Variants in GPM6B observed in about 807,000 individuals in gnomAD.
GPM6B encodes neuronal membrane glycoprotein M6-b.
GPM6B carries 4 observed loss-of-function variants against 27.2 expected under a neutral mutation model. The ratio of observed to expected loss-of-function variants is 0.15; its 90% CI spans 0.07 to 0.34. The LOEUF (loss-of-function observed/expected upper bound fraction) is 0.34. Ranked by LOEUF, GPM6B falls within the 10% of genes least tolerant of loss-of-function variation. GPM6B has a pLI of 1.00. For missense variants in GPM6B, 183 were observed against 261.9 expected (o/e 0.70, Z 2.08); for synonymous variants, 124 against 103.1 (o/e 1.20, Z -1.23).
chrX:13,804,801 T>TAAA (rs1162070183), intron 2 of GPM6B, among the ~76,000 whole-genome samples: 1 of 42,202 alleles, frequency 2.4e-5, no homozygotes, highest in Non-Finnish European at 4.1e-5. Context: ...AAAAAATTAA[T>TAAA]AAAAAAAAAA....
chrX:13,873,008 G>A (rs972548878), intron 1 of GPM6B, among the ~76,000 whole-genome samples: 2 of 111,363 alleles, frequency 1.8e-5, no homozygotes, highest in South Asian at 7.6e-4. Context: ...ATGAGAGAGT[G>A]ATGATAATAG....
intron 2 of GPM6B, among the ~76,000 whole-genome samples, chrX:13,793,519 C>A (rs1347845522): frequency 8.9e-6 from 1 of 112,128 alleles, no homozygotes; most frequent in Non-Finnish European, 1.9e-5. Context: ...TTCACAGTGC[C>A]AAGAGTGAGA....
At chrX:13,907,618 C>T (rs1385822048) in intron 1 of GPM6B, among the ~76,000 whole-genome samples, 2 of 110,185 alleles carry the variant, frequency 1.8e-5, no homozygotes, top group African/African-American at 3.3e-5. Context: ...TGCAGTGAGC[C>T]GAGATCACAC....
At chrX:13,892,714 C>A (rs917865316) in intron 1 of GPM6B, among the ~76,000 whole-genome samples, 1 of 111,745 alleles carries the variant, frequency 8.9e-6, no homozygotes, top group Admixed American at 9.5e-5. Context: ...GGTCTTAATA[C>A]TGTTTACCCA....
At chrX:13,852,561 G>C (rs2049730306) in intron 1 of GPM6B, among the ~76,000 whole-genome samples, 1 of 110,940 alleles carries the variant, frequency 9.0e-6, no homozygotes, top group Admixed American at 9.6e-5. Context: ...GGAGCACACA[G>C]TACTAGACTT....
chrX:13,830,384 T>C (rs2049424293), intron 1 of GPM6B, among the ~76,000 whole-genome samples: 1 of 112,125 alleles, frequency 8.9e-6, no homozygotes, highest in South Asian at 3.7e-4. Flanking sequence ...CTCCTGTTAC[T>C]TCCCTGTATT....
chrX:13,859,667 TA>T (rs1325979833), intron 1 of GPM6B, among the ~76,000 whole-genome samples: 8 of 106,035 alleles, frequency 7.5e-5, no homozygotes, highest in Non-Finnish European at 7.8e-5. Context: ...TTTGTTCATC[TA>T]AAAAAAAAAG....
At chrX:13,777,757 TG>T (rs1214507058) in intron 5 of GPM6B, among the ~76,000 whole-genome samples, 2 of 112,419 alleles carry the variant, frequency 1.8e-5, no homozygotes, top group South Asian at 3.7e-4. Context: ...CTATAGTTAC[TG>T]CAGGACAACC....
chrX:13,865,743 CA>C (rs1049092315), intron 1 of GPM6B, among the ~76,000 whole-genome samples: 1 of 106,453 alleles, frequency 9.4e-6, no homozygotes, highest in Non-Finnish European at 1.9e-5. Context: ...GGTGACAGAG[CA>C]AGACCCTGTC....
At position 13,787,248 on chromosome X, in the gene GPM6B, C is replaced by A. The variant is rs763776962; in HGVS notation, c.182-1440G>T. Reference sequence around the variant, plus strand: ...TAGTTCATTAGAAAATAAAAAATATCAGGGCTTCATAAGAAAGCTGTGCTT... The same window carrying A: ...TAGTTCATTAGAAAATAAAAAATATAAGGGCTTCATAAGAAAGCTGTGCTT... On this transcript the variant is annotated intron_variant, in intron 2 of 7. Coordinates refer to ENST00000316715, the MANE Select transcript of GPM6B (RefSeq NM_001001995.3). Among the ~76,000 whole-genome samples the A allele has an allele frequency of 5.4e-5, 6 of 111,200 alleles. No individual in the cohort carries two copies. The East Asian group carries it at 1.7e-3, about 31-fold the overall frequency.
intron 1 of GPM6B, among the ~76,000 whole-genome samples, chrX:13,858,955 A>G (rs1030575844): frequency 2.7e-5 from 3 of 112,532 alleles, no homozygotes; most frequent in African/African-American, 9.7e-5. Flanking sequence ...TAGCACCTGC[A>G]TTAAGTTTCC....
intron 6 of GPM6B, among the ~76,000 whole-genome samples, chrX:13,776,507 A>T: frequency 9.0e-6 from 1 of 111,474 alleles, no homozygotes; most frequent in Non-Finnish European, 1.9e-5. Context: ...CTGCCCCCCA[A>T]ATCGATTAAA....
intron 1 of GPM6B, among the ~76,000 whole-genome samples, chrX:13,877,441 TAAGTG>T (rs1330598278): frequency 9.0e-6 from 1 of 111,125 alleles, no homozygotes; most frequent in African/African-American, 3.3e-5. Flanking sequence ...CCAAGTCATT[TAAGTG>T]AAGTATTAAG....
At chrX:13,888,003 G>A (rs775574292) in intron 1 of GPM6B, among the ~76,000 whole-genome samples, 3 of 111,935 alleles carry the variant, frequency 2.7e-5, no homozygotes, top group Non-Finnish European at 5.6e-5. Context: ...GGCGCTAATT[G>A]CAGAATTTTA....
Position 13,844,587 on chromosome X carries a change from A to G in GPM6B, c.-197-58779T>C, listed in dbSNP as rs768384710. ...CAAAATTATTATTCCACTGGATACA[A>G]TAAGGTAATTGCCAAGCCCTGGACA... is the stretch of plus-strand genomic sequence containing the variant. On this transcript the variant is annotated intron_variant, in intron 1 of 6. Transcript: ENST00000398361. 8.0e-5 allele frequency among the ~76,000 whole-genome samples: 9 copies of G among 112,381 alleles called. No homozygotes were observed. In the East Asian group the frequency reaches 1.1e-3, roughly 14 times the overall value.
upstream of GPM6B, among the ~76,000 whole-genome samples, chrX:13,819,550 A>T (rs1026176393): frequency 5.3e-4 from 59 of 112,330 alleles, 1 homozygote; most frequent in Non-Finnish European, 8.3e-4. Flanking sequence ...GAATAAACAT[A>T]TGAAATTGCT....
rs11433525 is a variant in GPM6B at position 13,891,132 on chromosome X, C to CA, written c.-198+47194dup. 4.7e-3 allele frequency among the ~76,000 whole-genome samples: 512 copies of CA among 109,774 alleles called. 2 individuals carry two copies. Among genetic ancestry groups the CA allele is most frequent in the African/African-American group, 0.016 (474 of 30,134 alleles). The stretch of plus-strand genomic sequence containing the variant: ...TAATTTCAGTTTTTGCCATTACTTT[C>CA]AAAAAAAAGGGCAAAAACCACAATT... On this transcript the variant is annotated intron_variant, in intron 1 of 6. Transcript: ENST00000398361.
chrX:13,928,624 C>T (rs911023006), intron 1 of GPM6B, among the ~76,000 whole-genome samples: 1 of 112,677 alleles, frequency 8.9e-6, no homozygotes, highest in East Asian at 2.7e-4. Flanking sequence ...TTGCTAATTA[C>T]ATTTCCATTC....
chrX:13,786,101 T>C (rs2048607668), intron 2 of GPM6B, among the ~76,000 whole-genome samples: 1 of 112,440 alleles, frequency 8.9e-6, no homozygotes, highest in African/African-American at 3.2e-5. Context: ...GTAGTTACAG[T>C]TCTAGAGCTT....
Sources: gnomAD v4.1 joint callset for allele counts (sites outside exome capture counted in the v4.1 genomes callset) on GRCh38, gnomAD v4.1.1 for gene constraint, MANE v1.5 for transcripts, NCBI Gene and HGNC (gene_info 2026-07-23, HGNC 2026-07-21) for gene names.